Variants in SLC14A2 observed in about 807,000 individuals in gnomAD.
The protein encoded by SLC14A2 is urea transporter 2.
Under a neutral mutation model 104.6 loss-of-function variants are expected in SLC14A2, and 91 were observed. The observed-to-expected ratio is 0.87, with a 90% confidence interval of 0.73 to 1.04. SLC14A2 has a LOEUF of 1.04. SLC14A2 is among the 50% of genes least tolerant of loss of function. SLC14A2 has a pLI of 0.00. For missense variants in SLC14A2, 1,189 were observed against 1,156.0 expected (o/e 1.03, Z -0.41); for synonymous variants, 476 against 466.4 (o/e 1.02, Z -0.27).
intron 2 of SLC14A2, among the ~76,000 whole-genome samples, chr18:45,510,453 G>A (rs2043349845): frequency 6.6e-6 from 1 of 152,130 alleles, no homozygotes; most frequent in African/African-American, 2.4e-5. Context: ...GGCTCCTACT[G>A]TGGAGGCAGG....
At chr18:45,209,621 A>T (rs1203544623), upstream of SLC14A2, among the ~76,000 whole-genome samples, 1 of 152,158 alleles carries the variant, frequency 6.6e-6, no homozygotes, top group African/African-American at 2.4e-5. Flanking sequence ...TTGACTGGGA[A>T]ATCAGAAACC....
intron 1 of SLC14A2, among the ~76,000 whole-genome samples, chr18:45,437,823 G>T (rs2086621452): frequency 6.6e-6 from 1 of 152,108 alleles, no homozygotes; most frequent in Non-Finnish European, 1.5e-5. Context: ...ACCTGAAGAG[G>T]ATAATTAACT....
intron 1 of SLC14A2, among the ~76,000 whole-genome samples, chr18:45,416,250 C>CTTTT (rs574818783): frequency 1.6e-5 from 2 of 125,234 alleles, no homozygotes; most frequent in African/African-American, 3.0e-5. Context: ...TTTTTGTTTC[C>CTTTT]TTTTTTTTTT....
chr18:45,382,571 G>T (rs4456599), intron 1 of SLC14A2, among the ~76,000 whole-genome samples: 88,109 of 152,018 alleles, frequency 0.58, 28,858 homozygotes, highest in East Asian at 0.86. Flanking sequence ...GGAGAATAAG[G>T]GATTTCCTAT....
intron 1 of SLC14A2, among the ~76,000 whole-genome samples, chr18:45,458,666 C>T (rs2144633293): frequency 6.6e-6 from 1 of 152,214 alleles, no homozygotes; most frequent in African/African-American, 2.4e-5. Flanking sequence ...CTATCTAGTC[C>T]AGCCTCCTCT....
chr18:45,602,948 A>G (rs1333468491), intron 2 of SLC14A2, among the ~76,000 whole-genome samples: 2 of 152,254 alleles, frequency 1.3e-5, no homozygotes, highest in Non-Finnish European at 2.9e-5. Flanking sequence ...CCAAAAACAA[A>G]AATAAAAAAT....
upstream of SLC14A2, among the ~76,000 whole-genome samples, chr18:45,211,711 A>T (rs1184837195): frequency 6.6e-6 from 1 of 152,142 alleles, no homozygotes; most frequent in Non-Finnish European, 1.5e-5. Context: ...TGTGCTAAAC[A>T]CTCAATGTAC....
chr18:45,365,798 G>C (rs2085660357), intron 1 of SLC14A2, among the ~76,000 whole-genome samples: 1 of 152,098 alleles, frequency 6.6e-6, no homozygotes, highest in Non-Finnish European at 1.5e-5. Context: ...AGCAAGCACT[G>C]TCTGTGTTAG....
At position 45,625,780 on chromosome 18, in the gene SLC14A2, C is replaced by T. The variant is rs773500367; in HGVS notation, c.248C>T (p.Ser83Leu). 6.4e-7 allele frequency: 1 copy of T among 1,557,414 alleles called. No homozygotes were observed. Among genetic ancestry groups the T allele is most frequent in the Non-Finnish European group, 8.6e-7 (1 of 1,157,730 alleles). Residue 83 changes from serine to leucine, a missense_variant, in exon 3 of 20, where the codon TCA (serine) becomes TTA (leucine). By Grantham distance (145) the Ser-to-Leu change is moderately radical. Transcript: ENST00000255226. ...RKDDGVAHRD[S>L]AGQRCICLSK... ...GACGACGGGGTGGCCCATCGGGACT[C>T]AGCAGGCCAAAGGTGCATCTGCCTC...
At chr18:45,197,977 T>G in the SLC14A2 span, among the ~76,000 whole-genome samples, 1 of 151,850 alleles carries the variant, frequency 6.6e-6, no homozygotes, top group African/African-American at 2.4e-5. Flanking sequence ...CCCTAGGGAG[T>G]AGATAACATA....
intron 1 of SLC14A2, among the ~76,000 whole-genome samples, chr18:45,355,275 T>C (rs762495961): frequency 5.9e-5 from 9 of 152,038 alleles, no homozygotes; most frequent in Non-Finnish European, 1.0e-4. Flanking sequence ...TCTAATCCTA[T>C]AGAGATATAA....
chr18:45,643,073 C>T, intron 8 of SLC14A2, 59 bp from the exon 9 acceptor site: 1 of 1,519,110 alleles, frequency 6.6e-7, no homozygotes. Context: ...TCTGCAATGG[C>T]AGTGGCTTAG....
rs1413176989 is a variant in SLC14A2 at position 45,666,126 on chromosome 18, T to C, written c.1475-11T>C. 1 of 1,607,966 alleles carries C rather than the reference T, an allele frequency of 6.2e-7. No individual in the cohort carries two copies. Among genetic ancestry groups the C allele is most frequent in the Non-Finnish European group, 8.5e-7 (1 of 1,174,548 alleles). On this transcript the variant is annotated splice_polypyrimidine_tract_variant and intron_variant, in intron 11 of 19. Coordinates refer to ENST00000255226, the MANE Select transcript of SLC14A2 (RefSeq NM_007163.4). ...GTCCTAACTGATGGTGCTCTTTCCT[T>C]CTAACTCCAGTGTTTGGAAAAGGCG...
At chr18:45,467,961 C>T (rs542841362) in intron 1 of SLC14A2, among the ~76,000 whole-genome samples, 1 of 152,192 alleles carries the variant, frequency 6.6e-6, no homozygotes, top group Non-Finnish European at 1.5e-5. Context: ...CCAGGGCTCA[C>T]CAGAACTGCA....
intron 10 of SLC14A2, chr18:45,644,462 T>A (rs1202019333): frequency 1.1e-5 from 3 of 270,426 alleles, no homozygotes; most frequent in Admixed American, 9.5e-5. Context: ...AGTAGTCTTT[T>A]GGAAAGGTAA....
chr18:45,670,853 G>A (rs149474433), intron 16 of SLC14A2, among the ~76,000 whole-genome samples: 69 of 152,176 alleles, frequency 4.5e-4, no homozygotes, highest in Middle Eastern at 3.4e-3. Context: ...TGTAGAGATC[G>A]CTCTTGTCAT....
In SLC14A2 at chr18:45,545,944, CAT is replaced by C. The variant is rs532644828; in HGVS notation, c.-35+62626_-35+62627del. ...TAAGTATTCCTCGTTTATTTGCACT[CAT>C]ATACTTAATAAATCTAACTATGAAG... On this transcript the variant is annotated intron_variant, in intron 2 of 20. Transcript: ENST00000586448. 3.4e-3 allele frequency among the ~76,000 whole-genome samples: 521 copies of C among 152,278 alleles called. 13 individuals are homozygous for C. Among genetic ancestry groups the C allele is most frequent in the Admixed American group, 0.029 (447 of 15,294 alleles).
chr18:45,437,986 A>G (rs1037128205), intron 1 of SLC14A2, among the ~76,000 whole-genome samples: 1 of 152,162 alleles, frequency 6.6e-6, no homozygotes, highest in Admixed American at 6.5e-5. Flanking sequence ...TTGCCCTTCT[A>G]TCTACAGTCA....
At chr18:45,284,378 G>A (rs1036383904) in intron 1 of SLC14A2, among the ~76,000 whole-genome samples, 2 of 152,152 alleles carry the variant, frequency 1.3e-5, no homozygotes, top group Admixed American at 6.5e-5. Context: ...TGGAGGGCAG[G>A]AAGAAAGGAG....
Sources: allele counts gnomAD v4.1 joint callset (sites outside exome capture counted in the v4.1 genomes callset), GRCh38; gene constraint gnomAD v4.1.1; transcripts MANE v1.5; gene names NCBI Gene and HGNC (gene_info 2026-07-23, HGNC 2026-07-21).